MAP4K5: variants seen among roughly 807,000 people sequenced by gnomAD.
MAP4K5 encodes MAPK/ERK kinase kinase kinase 5.
MAP4K5 carries 82 observed loss-of-function variants against 135.6 expected under a neutral mutation model. The ratio of observed to expected loss-of-function variants is 0.60; its 90% confidence interval spans 0.51 to 0.73. The LOEUF (loss-of-function observed/expected upper bound fraction) is 0.73. Among genes scored for constraint, MAP4K5 ranks in the 30% least tolerant of loss-of-function variants. The pLI, the probability that MAP4K5 is intolerant of heterozygous loss-of-function variation, is 0.00. For synonymous variants in MAP4K5, 347 were observed against 335.0 expected (o/e 1.04, Z -0.39); for missense variants, 907 against 1,010.9 (o/e 0.90, Z 1.39).
chr14:50,500,664 T>G (rs2037688238), intron 3 of MAP4K5, among the ~76,000 whole-genome samples: 2 of 151,946 alleles, frequency 1.3e-5, no homozygotes, highest in Non-Finnish European at 2.9e-5. Context: ...AAATAGATGG[T>G]GGGGAATGGG....
chr14:50,524,632 T>C (rs190586387), intron 2 of MAP4K5, among the ~76,000 whole-genome samples: 128 of 147,592 alleles, frequency 8.7e-4, no homozygotes, highest in African/African-American at 3.0e-3. Context: ...AAATGTAATG[T>C]TTAAACAGAA....
At chr14:50,496,506 A>T (rs2037596997) in intron 3 of MAP4K5, among the ~76,000 whole-genome samples, 1 of 152,014 alleles carries the variant, frequency 6.6e-6, no homozygotes, top group Admixed American at 6.6e-5. Context: ...TATTATATAT[A>T]TATTTCTTTC....
chr14:50,532,754 C>A (rs577402850), upstream of MAP4K5: 52 of 152,924 alleles, frequency 3.4e-4, no homozygotes, highest in Non-Finnish European at 6.0e-4. Context: ...ACCGCGCCCC[C>A]CTAGCCGGGC....
chr14:50,445,147 T>G lies in MAP4K5; in HGVS notation c.1233A>C (p.Lys411Asn), dbSNP rs1198985939. 1 of 1,613,516 alleles carries G rather than the reference T, an allele frequency of 6.2e-7. No individual in the cohort carries two copies. The highest frequency in any genetic ancestry group is 1.7e-5 in the Admixed American group (1 of 59,958). ...CAGGACAATGTTTTATGGTTGATGC[T>G]TTTTCTTCATCCGGAAAGTTGTCTT... ...YPEDNFPDEE[K>N]ASTIKHCPDS... Residue 411 changes from lysine to asparagine, a missense_variant, in exon 18 of 33, where the codon AAA becomes AAC. Around this residue, in one of 3 missense-constraint regions of MAP4K5, gnomAD observed 690 missense variants for 777.4 expected, o/e 0.89. Transcript: ENST00000682126.
intron 13 of MAP4K5, among the ~76,000 whole-genome samples, chr14:50,462,024 T>A (rs1338875927): frequency 2.0e-5 from 3 of 152,180 alleles, no homozygotes; most frequent in East Asian, 1.9e-4. Context: ...AATAATAGTT[T>A]TGAAATACTG....
At chr14:50,516,573 T>G (rs1161701222) in intron 2 of MAP4K5, among the ~76,000 whole-genome samples, 1 of 152,166 alleles carries the variant, frequency 6.6e-6, no homozygotes, top group Admixed American at 6.6e-5. Context: ...TAGACAAAGT[T>G]AAAATGAAAC....
rs766800828 is a variant in MAP4K5, at chr14:50,485,557, G to C, written c.322+21C>G. 2.7e-6 allele frequency: 4 copies of C among 1,458,794 alleles called. No individual in the cohort carries two copies. The Admixed American group carries it at 8.2e-5, about 30-fold the overall frequency. The allele number at this position is 1,458,794 out of a possible 1,614,324, so 90.4% of individuals were successfully genotyped here. ...ATTAAAACCAAAGTCTGTTTAAAAT[G>C]TAAAGTCAAATTAACAGTACCATGG... On this transcript the variant is annotated intron_variant, in intron 5 of 32. Transcript: ENST00000682126.
At chr14:50,484,125 G>A (rs568815170) in intron 5 of MAP4K5, among the ~76,000 whole-genome samples, 2 of 152,110 alleles carry the variant, frequency 1.3e-5, no homozygotes, top group East Asian at 1.9e-4. Context: ...TTACAGGCAT[G>A]AGAAGATAGC....
At chr14:50,528,598 T>C (rs1307190183) in intron 2 of MAP4K5, among the ~76,000 whole-genome samples, 1 of 151,606 alleles carries the variant, frequency 6.6e-6, no homozygotes, top group Non-Finnish European at 1.5e-5. Flanking sequence ...CCACACACAC[T>C]TGTAGTCCCA....
rs2037069719 is a variant in MAP4K5, at chr14:50,475,263, T to G, written c.470-114A>C. On this transcript the variant is annotated intron_variant, in intron 8 of 32. Transcript: ENST00000682126. ...AATTCAAATATTAATGTTAGAAAAA[T>G]GCGCATAAATTGAATACCTAAATCT... 1.7e-5 allele frequency: 13 copies of G among 764,740 alleles called. No homozygotes were observed. The East Asian group carries it at 3.5e-4, about 21-fold the overall frequency. 47.4% of individuals were successfully genotyped at this position (764,740 alleles called of 1,614,324 possible).
chr14:50,424,797 G>C (rs1300325449), intron 31 of MAP4K5, among the ~76,000 whole-genome samples: 2 of 151,470 alleles, frequency 1.3e-5, no homozygotes, highest in Non-Finnish European at 2.9e-5. Flanking sequence ...ACCTTCTGTA[G>C]ATTTCTAACC....
intron 8 of MAP4K5, 37 bp from the exon 9 acceptor site, chr14:50,475,186 C>T: frequency 6.8e-7 from 1 of 1,465,934 alleles, no homozygotes; most frequent in Non-Finnish European, 9.6e-7. Context: ...TAGTTCTTTA[C>T]AATACACCAA....
At chr14:50,464,169 T>A in intron 11 of MAP4K5, 36 bp from the exon 12 acceptor site, 3 of 998,852 alleles carry the variant, frequency 3.0e-6, no homozygotes, top group Non-Finnish European at 4.6e-6. Context: ...AATATTTCAC[T>A]ACTATTACGT....
At chr14:50,457,074 T>C (rs569853232) in intron 13 of MAP4K5, among the ~76,000 whole-genome samples, 4 of 152,250 alleles carry the variant, frequency 2.6e-5, no homozygotes, top group African/African-American at 9.6e-5. Flanking sequence ...AACAAAGTGA[T>C]GTAAGAAATA....
At chr14:50,472,923 T>C (rs74050925) in intron 9 of MAP4K5, among the ~76,000 whole-genome samples, 3,439 of 152,296 alleles carry the variant, frequency 0.023, 118 homozygotes, top group African/African-American at 0.077. Context: ...ATGAATATTA[T>C]ACAACTTATA....
upstream of MAP4K5, among the ~76,000 whole-genome samples, chr14:50,534,884 T>C (rs940244693): frequency 5.9e-5 from 9 of 152,358 alleles, no homozygotes; most frequent in African/African-American, 2.2e-4. Context: ...TACTTAAATG[T>C]ACACTGAGTA....
chr14:50,454,128 CA>C (rs2139769754), intron 14 of MAP4K5, among the ~76,000 whole-genome samples: 1 of 152,246 alleles, frequency 6.6e-6, no homozygotes, highest in African/African-American at 2.4e-5. Context: ...ATGACTCTAA[CA>C]GACATAAAGT....
At chr14:50,506,010 AC>A (rs2037802458) in intron 2 of MAP4K5, among the ~76,000 whole-genome samples, 1 of 152,110 alleles carries the variant, frequency 6.6e-6, no homozygotes, top group African/African-American at 2.4e-5. Flanking sequence ...TTTTCATCGT[AC>A]CCCGTGGTAC....
chr14:50,511,604 G>A (rs1042725952), intron 2 of MAP4K5, among the ~76,000 whole-genome samples: 6 of 152,102 alleles, frequency 3.9e-5, no homozygotes, highest in Middle Eastern at 3.2e-3. Context: ...TAAGATTATA[G>A]ATTTGCTAAT....
Sources: gnomAD v4.1 joint callset for allele counts (sites outside exome capture counted in the v4.1 genomes callset) on GRCh38, gnomAD v4.1.1 for gene constraint, gnomAD v4.1.1 regional missense constraint, MANE v1.5 for transcripts, NCBI Gene and HGNC (gene_info 2026-07-23, HGNC 2026-07-21) for gene names.